The following ARL14EP variants were observed in gnomAD, a reference collection of about 807,000 sequenced individuals.
The protein encoded by ARL14EP is ARL14 effector protein.
A neutral mutation model predicts 23.1 loss-of-function variants in ARL14EP; 12 were observed. That is an observed-to-expected ratio of 0.52 (90% CI 0.33 to 0.84). ARL14EP has a LOEUF of 0.84. Among genes scored for constraint, ARL14EP ranks in the 40% least tolerant of loss-of-function variants. The probability of loss-of-function intolerance (pLI) is 0.02; values close to 1 mark genes in which losing one functional copy is unlikely to be tolerated. For missense variants in ARL14EP, 253 were observed against 307.3 expected, an observed-to-expected ratio of 0.82 and a Z score of 1.32; for synonymous variants, 97 against 102.0, an observed-to-expected ratio of 0.95 and a Z score of 0.29.
chr11:30,331,496 G>C, intron 2 of ARL14EP, 122 bp downstream of exon 2: 1 of 1,522,156 alleles, frequency 6.6e-7, no homozygotes, highest in Non-Finnish European at 8.8e-7. Flanking sequence ...ATTAAAAGGA[G>C]GGGTGAAAGT....
intron 1 of ARL14EP, among the ~76,000 whole-genome samples, chr11:30,326,820 AGTTTTACTCAGG>A (rs1947238307): frequency 1.5e-5 from 1 of 65,538 alleles, no homozygotes; most frequent in Non-Finnish European, 2.8e-5. Context: ...AGGTGTGTGC[AGTTTTACTCAGG>A]TGTGTGCAGT....
chr11:30,324,551 T>G (rs1248098367), intron 1 of ARL14EP, among the ~76,000 whole-genome samples: 5 of 151,594 alleles, frequency 3.3e-5, no homozygotes, highest in Non-Finnish European at 7.4e-5. Context: ...TTGTTAGTGG[T>G]GGGGGGGGTG....
intron 1 of ARL14EP, chr11:30,329,029 T>G (rs1157132967): frequency 1.3e-5 from 2 of 152,172 alleles, no homozygotes; most frequent in East Asian, 3.8e-4. Flanking sequence ...AGTGAAGCAC[T>G]TATGTACATG....
intron 1 of ARL14EP, among the ~76,000 whole-genome samples, chr11:30,327,659 T>C (rs1947247088): frequency 2.0e-5 from 3 of 152,066 alleles, no homozygotes. Context: ...CTAGTTTCCC[T>C]TGTATTAAGA....
chr11:30,328,378 C>A (rs1022162216), intron 1 of ARL14EP: 2 of 152,078 alleles, frequency 1.3e-5, no homozygotes, highest in African/African-American at 4.8e-5. Context: ...AGTGATCAAC[C>A]CACATTGGCC....
intron 3 of ARL14EP, among the ~76,000 whole-genome samples, chr11:30,335,470 A>G (rs1243371546): frequency 6.6e-6 from 1 of 152,170 alleles, no homozygotes; most frequent in Non-Finnish European, 1.5e-5. Context: ...ATCTTTTGTA[A>G]GAAGAGTCCA....
At chr11:30,324,103 G>A (rs773815688) in intron 1 of ARL14EP, among the ~76,000 whole-genome samples, 14 of 152,148 alleles carry the variant, frequency 9.2e-5, no homozygotes, top group Non-Finnish European at 2.1e-4. Context: ...ACAGTTGCAG[G>A]ATGCGTGACT....
At chr11:30,334,208 CT>C (rs36111177) in intron 3 of ARL14EP, among the ~76,000 whole-genome samples, 2,281 of 85,712 alleles carry the variant, frequency 0.027, 28 homozygotes, top group African/African-American at 0.085. Flanking sequence ...GACCAGCCTT[CT>C]TTTTTTTTTT....
intron 3 of ARL14EP, among the ~76,000 whole-genome samples, chr11:30,334,418 G>T (rs1319545955): frequency 6.6e-6 from 1 of 151,700 alleles, no homozygotes; most frequent in Non-Finnish European, 1.5e-5. Flanking sequence ...GTTTCACCAT[G>T]TTAGCCAGGA....
intron 1 of ARL14EP, chr11:30,329,443 C>G (rs1300487045): frequency 6.6e-6 from 1 of 152,040 alleles, no homozygotes; most frequent in Non-Finnish European, 1.5e-5. Flanking sequence ...AGATATTTTT[C>G]TCCATCTGAC....
chr11:30,333,458 A>G (rs545238641), intron 3 of ARL14EP, among the ~76,000 whole-genome samples: 4 of 152,244 alleles, frequency 2.6e-5, no homozygotes, highest in South Asian at 2.1e-4. Context: ...AATTATTGCA[A>G]TATTTCCAGC....
intron 3 of ARL14EP, 67 bp from the exon 4 acceptor site, chr11:30,336,500 C>G: frequency 8.2e-7 from 1 of 1,213,068 alleles, no homozygotes; most frequent in Non-Finnish European, 1.2e-6. Context: ...TTTTTTTTTA[C>G]TGTATTTTCA....
intron 3 of ARL14EP, among the ~76,000 whole-genome samples, chr11:30,335,388 G>C (rs1947323144): frequency 6.6e-6 from 1 of 152,202 alleles, no homozygotes; most frequent in African/African-American, 2.4e-5. Flanking sequence ...CAGAATTTGA[G>C]AGGATGACTC....
intron 1 of ARL14EP, chr11:30,329,936 C>G (rs1947269294): frequency 1.3e-5 from 2 of 151,242 alleles, no homozygotes; most frequent in African/African-American, 2.4e-5. Flanking sequence ...TTTTTGGTAT[C>G]TGCTTGCTTG....
At chr11:30,335,816 G>A (rs1178185017) in intron 3 of ARL14EP, among the ~76,000 whole-genome samples, 1 of 151,386 alleles carries the variant, frequency 6.6e-6, no homozygotes, top group Non-Finnish European at 1.5e-5. Flanking sequence ...CTTTATTGGG[G>A]GTGGTCTGGA....
At chr11:30,331,906 G>T (rs1947287872) in intron 2 of ARL14EP, 2 of 692,510 alleles carry the variant, frequency 2.9e-6, no homozygotes, top group Middle Eastern at 7.4e-4. Context: ...TTCTAGTTCT[G>T]AATTCCTACT....
chr11:30,334,790 A>G (rs1165062487), intron 3 of ARL14EP, among the ~76,000 whole-genome samples: 2 of 152,188 alleles, frequency 1.3e-5, no homozygotes, highest in Non-Finnish European at 2.9e-5. Context: ...AGCCCACTTG[A>G]GAGACCTCCT....
At chr11:30,336,400 C>T (rs1056744579) in intron 3 of ARL14EP, among the ~76,000 whole-genome samples, 167 bp from the exon 4 acceptor site, 9 of 151,944 alleles carry the variant, frequency 5.9e-5, no homozygotes, top group Non-Finnish European at 1.2e-4. Flanking sequence ...ACATGGAGTT[C>T]ATTTACTGCT....
chr11:30,323,830 AG>A (rs1265141800), intron 1 of ARL14EP, among the ~76,000 whole-genome samples: 1 of 152,226 alleles, frequency 6.6e-6, no homozygotes, highest in Non-Finnish European at 1.5e-5. Flanking sequence ...TCTGTAAATG[AG>A]AATGATAGTA....
Sources: gnomAD v4.1 joint callset for allele counts (sites outside exome capture counted in the v4.1 genomes callset) on GRCh38, gnomAD v4.1.1 for gene constraint, MANE v1.5 for transcripts, NCBI Gene and HGNC (gene_info 2026-07-23, HGNC 2026-07-21) for gene names.